CEP350: variants seen among roughly 807,000 people sequenced by gnomAD.
The protein encoded by CEP350 is centrosomal protein 350.
Under a neutral mutation model 331.8 loss-of-function variants are expected in CEP350, and 126 were observed. The ratio of observed to expected loss-of-function variants is 0.38; its 90% CI spans 0.33 to 0.44. The LOEUF is 0.44. Among genes scored for constraint, CEP350 ranks in the 20% least tolerant of loss-of-function variants. The probability of loss-of-function intolerance (pLI) is 1.00; values close to 1 mark genes in which losing one functional copy is unlikely to be tolerated. For missense variants in CEP350, 3,406 were observed against 3,634.6 expected (o/e 0.94, Z 1.62); for synonymous variants, 1,200 against 1,259.5 (o/e 0.95, Z 1.00).
At chr1:179,991,657 A>G (rs1392710157) in intron 4 of CEP350, among the ~76,000 whole-genome samples, 4 of 114,776 alleles carry the variant, frequency 3.5e-5, no homozygotes, top group African/African-American at 6.7e-5. Flanking sequence ...TGTGATATGT[A>G]TATATATATA....
At chr1:179,998,151 T>C (rs1653596897) in intron 6 of CEP350, among the ~76,000 whole-genome samples, 1 of 151,956 alleles carries the variant, frequency 6.6e-6, no homozygotes, top group African/African-American at 2.4e-5. Flanking sequence ...GCTGATTTCT[T>C]GATTAGTTTA....
chr1:180,021,753 G>A (rs1352698159), intron 12 of CEP350, among the ~76,000 whole-genome samples: 2 of 152,114 alleles, frequency 1.3e-5, no homozygotes, highest in South Asian at 2.1e-4. Flanking sequence ...GATAAATGTA[G>A]TAACATTTCT....
chr1:180,045,285 C>T (rs896974179), intron 21 of CEP350, among the ~76,000 whole-genome samples: 4 of 151,798 alleles, frequency 2.6e-5, no homozygotes, highest in African/African-American at 7.3e-5. Context: ...GAGGTTGCAG[C>T]GAGCCAAGAT....
At chr1:180,043,339 C>A in intron 20 of CEP350, 147 bp downstream of exon 20, 1 of 967,378 alleles carries the variant, frequency 1.0e-6, no homozygotes, top group Non-Finnish European at 1.5e-6. Context: ...GGAAGATAAA[C>A]ATTACTCAAA....
chr1:179,961,123 A>C (rs549060873), intron 1 of CEP350, among the ~76,000 whole-genome samples: 131 of 152,324 alleles, frequency 8.6e-4, no homozygotes, highest in African/African-American at 2.8e-3. Context: ...ATAATGAATC[A>C]AAAGTTTCAC....
chr1:179,970,204 G>A (rs1651340615), intron 1 of CEP350, among the ~76,000 whole-genome samples: 3 of 152,114 alleles, frequency 2.0e-5, no homozygotes, highest in Admixed American at 2.0e-4. Context: ...TACTTCCTAT[G>A]CTGCAAAGGC....
In CEP350 at chr1:180,093,517, G is replaced by A; in HGVS notation, c.7412G>A (p.Ser2471Asn). Residue 2471 changes from serine to asparagine, a missense_variant, in exon 34 of 38, where the codon AGT becomes AAT. Physicochemically the swap from Ser to Asn is conservative, Grantham distance 46 (BLOSUM62 1). Around this residue, in one of 5 missense-constraint regions of CEP350, gnomAD observed 1,415 missense variants for 1,512.3 expected, o/e 0.94. Coordinates refer to ENST00000367607, the MANE Select transcript of CEP350 (RefSeq NM_014810.5). The stretch of plus-strand genomic sequence containing the variant: ...GAGCTGATGAAAAGTAAGGAGCGCA[G>A]TGATGTGGAGCATGAACAGCAAGTT... ...PTELMKSKERSDVEHEQQVTE... is the reference protein window; with the variant it reads ...PTELMKSKERNDVEHEQQVTE... The A allele has an allele frequency of 6.2e-7, 1 of 1,613,322 alleles. No individual in the cohort carries two copies. The highest frequency in any genetic ancestry group is 8.5e-7 in the Non-Finnish European group (1 of 1,179,484).
At chr1:179,994,154 A>G (rs1653301074) in intron 5 of CEP350, among the ~76,000 whole-genome samples, 1 of 152,204 alleles carries the variant, frequency 6.6e-6, no homozygotes. Flanking sequence ...ACATCCTTAT[A>G]TGTATTCAGT....
chr1:180,021,024 T>A lies in CEP350; in HGVS notation c.3235+15T>A. On this transcript the variant is annotated intron_variant, in intron 12 of 37. Coordinates refer to ENST00000367607, the MANE Select transcript of CEP350 (RefSeq NM_014810.5). ...ATATGGAAAAGGTGAGAAAAATAAA[T>A]ATAGCTTGTACTGTTTGTATATTAA... The A allele has an allele frequency of 6.8e-7, 1 of 1,477,156 alleles. No individual in the cohort carries two copies. Among genetic ancestry groups the A allele is most frequent in the Non-Finnish European group, 9.0e-7 (1 of 1,115,976 alleles). The allele number at this position is 1,477,156 out of a possible 1,614,324, so 91.5% of individuals were successfully genotyped here.
rs1430207497 is a variant in CEP350, at chr1:180,113,468, C to T, written c.*2307C>T. 6.6e-6 allele frequency: 1 copy of T among 152,038 alleles called. No homozygotes were observed. Among genetic ancestry groups the T allele is most frequent in the Admixed American group, 6.6e-5 (1 of 15,254 alleles). 9.4% of individuals were successfully genotyped at this position (152,038 alleles called of 1,614,324 possible). On this transcript the variant is annotated 3_prime_UTR_variant, in exon 38 of 38. Coordinates refer to ENST00000367607, the MANE Select transcript of CEP350 (RefSeq NM_014810.5). ...GTGGCAGTAGCTGTCCTGACAGACT[C>T]CAACTGTCTTTACTATCTGAAGAAT...
chr1:180,092,249 C>G (rs970675717), intron 33 of CEP350, among the ~76,000 whole-genome samples: 1 of 152,178 alleles, frequency 6.6e-6, no homozygotes, highest in Non-Finnish European at 1.5e-5. Context: ...AAGTCTGTTT[C>G]TCCTTCACTA....
At chr1:179,995,519 C>T (rs777692855) in intron 5 of CEP350, among the ~76,000 whole-genome samples, 6 of 152,140 alleles carry the variant, frequency 3.9e-5, no homozygotes, top group Non-Finnish European at 8.8e-5. Flanking sequence ...GCAGGAGAAT[C>T]GCTTGAACCC....
intron 34 of CEP350, 77 bp from the exon 35 acceptor site, chr1:180,095,446 T>A: frequency 1.4e-6 from 2 of 1,476,738 alleles, no homozygotes; most frequent in Non-Finnish European, 1.8e-6. Flanking sequence ...AATAATGCAT[T>A]TACTCTGTCT....
chr1:179,981,568 C>G (rs1652272358), intron 1 of CEP350, among the ~76,000 whole-genome samples: 1 of 152,074 alleles, frequency 6.6e-6, no homozygotes, highest in East Asian at 1.9e-4. Context: ...AAAATGTATT[C>G]TTAAAGAACA....
intron 10 of CEP350, among the ~76,000 whole-genome samples, chr1:180,014,707 G>A (rs916555780): frequency 1.3e-5 from 2 of 152,200 alleles, no homozygotes; most frequent in Non-Finnish European, 2.9e-5. Flanking sequence ...ATTTCCTACA[G>A]TGATTGTTAC....
At chr1:180,057,562 C>G (rs917301444) in intron 25 of CEP350, among the ~76,000 whole-genome samples, 3 of 150,126 alleles carry the variant, frequency 2.0e-5, no homozygotes, top group African/African-American at 7.4e-5. Context: ...CTTTGCATGC[C>G]TAGTAATTTT....
At chr1:180,050,244 T>C (rs1657396732) in intron 22 of CEP350, among the ~76,000 whole-genome samples, 1 of 152,242 alleles carries the variant, frequency 6.6e-6, no homozygotes, top group African/African-American at 2.4e-5. Flanking sequence ...ATCAGAATTT[T>C]AAAACTTCTA....
chr1:180,024,887 G>A (rs1246286958), intron 14 of CEP350, among the ~76,000 whole-genome samples: 1 of 151,454 alleles, frequency 6.6e-6, no homozygotes, highest in South Asian at 2.1e-4. Flanking sequence ...CATTTTTGAT[G>A]TATACGTAAA....
chr1:179,974,944 T>C (rs1182823400), intron 1 of CEP350, among the ~76,000 whole-genome samples: 1 of 151,928 alleles, frequency 6.6e-6, no homozygotes, highest in Non-Finnish European at 1.5e-5. Flanking sequence ...TGAGCCATGA[T>C]TGCACCACTG....
Sources: gnomAD v4.1 joint callset for allele counts (sites outside exome capture counted in the v4.1 genomes callset) on GRCh38, gnomAD v4.1.1 for gene constraint, gnomAD v4.1.1 regional missense constraint, MANE v1.5 for transcripts, NCBI Gene and HGNC (gene_info 2026-07-23, HGNC 2026-07-21) for gene names.